The following SLC60A1 variants were observed in gnomAD, a reference collection of about 807,000 sequenced individuals.
SLC60A1 encodes the protein major facilitator superfamily domain containing 4.
At chr1:205,594,282 G>A in the SLC60A1 span, among the ~76,000 whole-genome samples, 1 of 152,242 alleles carries the variant, frequency 6.6e-6, no homozygotes, top group South Asian at 2.1e-4. Context: ...AATAAATGAA[G>A]TAATGAAATA....
At chr1:205,595,058 A>G in the SLC60A1 span, 7 of 152,262 alleles carry the variant, frequency 4.6e-5, no homozygotes, top group South Asian at 2.1e-4. Flanking sequence ...CTTCAGCAGC[A>G]CATGTACTAT....
chr1:205,596,721 AG>A, the SLC60A1 span, among the ~76,000 whole-genome samples: 1 of 152,068 alleles, frequency 6.6e-6, no homozygotes, highest in Non-Finnish European at 1.5e-5. Context: ...CAGAGTCTAA[AG>A]GGCTCTGCAA....
the SLC60A1 span, among the ~76,000 whole-genome samples, chr1:205,594,131 C>T: frequency 6.6e-6 from 1 of 152,180 alleles, no homozygotes; most frequent in South Asian, 2.1e-4. Context: ...ATGCTGGGCC[C>T]CACGGGACAT....
the SLC60A1 span, among the ~76,000 whole-genome samples, chr1:205,572,433 T>G: frequency 3.3e-5 from 5 of 152,154 alleles, no homozygotes; most frequent in African/African-American, 9.7e-5. Flanking sequence ...TGTTGAGTTC[T>G]TCCTCTCTTT....
the SLC60A1 span, among the ~76,000 whole-genome samples, chr1:205,585,866 G>T: frequency 6.6e-6 from 1 of 152,184 alleles, no homozygotes; most frequent in Non-Finnish European, 1.5e-5. The surrounding 1 kb of genome is among the most constrained non-coding windows in gnomAD (Gnocchi z 4.2). Context: ...TGAGCCAAGT[G>T]TGTAGTGTGG....
chr1:205,580,734 A>G, the SLC60A1 span: 4 of 1,613,860 alleles, frequency 2.5e-6, no homozygotes, highest in African/African-American at 2.7e-5. The surrounding 1 kb of genome is among the most constrained non-coding windows in gnomAD (Gnocchi z 5.0). Flanking sequence ...TCTGAGGCCA[A>G]CTGCTTGCCT....
the SLC60A1 span, among the ~76,000 whole-genome samples, chr1:205,589,737 C>T: frequency 6.6e-6 from 1 of 152,138 alleles, no homozygotes; most frequent in Non-Finnish European, 1.5e-5. Flanking sequence ...AGACAGGAGC[C>T]ACCATCTCCA....
At chr1:205,580,607 C>A in the SLC60A1 span, 3 of 1,589,856 alleles carry the variant, frequency 1.9e-6, no homozygotes, top group Non-Finnish European at 2.6e-6. This position sits in a 1 kb window ranked among gnomAD's most constrained non-coding sequence, Gnocchi z 5.0. Flanking sequence ...CCACCACTTC[C>A]CCGGGCTGAA....
the SLC60A1 span, among the ~76,000 whole-genome samples, chr1:205,585,439 A>T: frequency 6.6e-6 from 1 of 152,210 alleles, no homozygotes; most frequent in African/African-American, 2.4e-5. The surrounding 1 kb of genome is among the most constrained non-coding windows in gnomAD (Gnocchi z 4.2). Flanking sequence ...TCATGCCACT[A>T]GTGACCTCTG....
the SLC60A1 span, among the ~76,000 whole-genome samples, chr1:205,581,829 G>A: frequency 1.3e-5 from 2 of 152,170 alleles, no homozygotes; most frequent in Non-Finnish European, 2.9e-5. The surrounding 1 kb of genome is among the most constrained non-coding windows in gnomAD (Gnocchi z 4.2). Flanking sequence ...CTCAGAATAT[G>A]CCACACACAT....
chr1:205,576,066 G>T, the SLC60A1 span, among the ~76,000 whole-genome samples: 2 of 152,298 alleles, frequency 1.3e-5, no homozygotes, highest in Non-Finnish European at 2.9e-5. Context: ...TGCCACCTTA[G>T]CTGGGACGCT....
chr1:205,591,280 C>G, the SLC60A1 span, among the ~76,000 whole-genome samples: 1 of 152,026 alleles, frequency 6.6e-6, no homozygotes, highest in African/African-American at 2.4e-5. Context: ...CCCAGAAGTT[C>G]AAGACCAGCC....
chr1:205,586,726 TC>T, the SLC60A1 span, among the ~76,000 whole-genome samples: 1 of 151,088 alleles, frequency 6.6e-6, no homozygotes, highest in Non-Finnish European at 1.5e-5. Flanking sequence ...AGATAGGGTC[TC>T]CCTTTGTCAC....
the SLC60A1 span, chr1:205,579,714 C>T: frequency 2.5e-6 from 4 of 1,600,674 alleles, no homozygotes; most frequent in Non-Finnish European, 3.4e-6. Flanking sequence ...GGGATGCTTC[C>T]AGCCCCATCC....
At chr1:205,600,539 G>A in the SLC60A1 span, 19 of 1,447,092 alleles carry the variant, frequency 1.3e-5, no homozygotes, top group Non-Finnish European at 1.6e-5. Flanking sequence ...AAAGCTGGGT[G>A]GTGGTGGAGG....
chr1:205,600,244 A>G, the SLC60A1 span: 3 of 608,646 alleles, frequency 4.9e-6, no homozygotes, highest in Non-Finnish European at 8.5e-6. Context: ...TGCCTCCACC[A>G]ACTGTTCGCC....
the SLC60A1 span, among the ~76,000 whole-genome samples, chr1:205,570,676 G>T: frequency 6.6e-6 from 1 of 152,124 alleles, no homozygotes; most frequent in Admixed American, 6.6e-5. Context: ...GTGTTTTGTG[G>T]GTGTGGTACA....
chr1:205,597,948 C>G, the SLC60A1 span: 2 of 1,268,842 alleles, frequency 1.6e-6, no homozygotes, highest in African/African-American at 2.9e-5. Context: ...CAAACTGTCC[C>G]TTTCCTGAGT....
the SLC60A1 span, chr1:205,592,048 G>C: frequency 6.5e-7 from 1 of 1,544,178 alleles, no homozygotes; most frequent in Non-Finnish European, 8.8e-7. Context: ...GAGAGGAAAC[G>C]CCAAGCCAGG....
Sources: allele counts gnomAD v4.1 joint callset (sites outside exome capture counted in the v4.1 genomes callset), GRCh38; gene constraint gnomAD v4.1.1; non-coding constraint Gnocchi (gnomAD v3.1); transcripts MANE v1.5; gene names NCBI Gene and HGNC (gene_info 2026-07-23, HGNC 2026-07-21).